Variants in KCNH8 observed in about 807,000 individuals in gnomAD.
KCNH8 encodes voltage-gated delayed rectifier potassium channel KCNH8.
Under a neutral mutation model 103.6 loss-of-function variants are expected in KCNH8, and 70 were observed. That is an observed-to-expected ratio of 0.68 (90% CI 0.56 to 0.82). The LOEUF (loss-of-function observed/expected upper bound fraction) is 0.82, where lower values mean the gene tolerates loss of function less well. Ranked by LOEUF, KCNH8 falls within the 40% of genes least tolerant of loss-of-function variation. The pLI, the probability that KCNH8 is intolerant of heterozygous loss-of-function variation, is 0.00. For synonymous variants in KCNH8, 498 were observed against 489.4 expected, an observed-to-expected ratio of 1.02 and a Z score of -0.23; for missense variants, 1,217 against 1,329.9, an observed-to-expected ratio of 0.92 and a Z score of 1.32.
intron 5 of KCNH8, among the ~76,000 whole-genome samples, chr3:19,372,005 G>C (rs1187964945): frequency 6.6e-6 from 1 of 151,972 alleles, no homozygotes; most frequent in African/African-American, 2.4e-5. Flanking sequence ...TGCTGTTTTG[G>C]TTACTGTAGC....
intron 1 of KCNH8, among the ~76,000 whole-genome samples, chr3:19,166,440 C>G (rs761566493): frequency 2.0e-5 from 3 of 152,234 alleles, no homozygotes; most frequent in Admixed American, 1.3e-4. Context: ...CCTACTTTTA[C>G]AAGAATATAA....
At chr3:19,161,798 A>C (rs1279533978) in intron 1 of KCNH8, among the ~76,000 whole-genome samples, 5 of 152,216 alleles carry the variant, frequency 3.3e-5, no homozygotes, top group African/African-American at 4.8e-5. Context: ...GACTTGATGT[A>C]GTGTACACAT....
chr3:19,303,514 G>A (rs781573240), intron 3 of KCNH8, among the ~76,000 whole-genome samples: 1 of 152,134 alleles, frequency 6.6e-6, no homozygotes, highest in Non-Finnish European at 1.5e-5. Context: ...GATTATGACA[G>A]TAAGACTAAA....
At chr3:19,216,137 C>G (rs1268696647) in intron 1 of KCNH8, among the ~76,000 whole-genome samples, 1 of 152,174 alleles carries the variant, frequency 6.6e-6, no homozygotes, top group African/African-American at 2.4e-5. Context: ...CTGGATGTAC[C>G]TATCATTCAC....
intron 15 of KCNH8, among the ~76,000 whole-genome samples, chr3:19,519,915 C>T (rs1035924440): frequency 6.6e-6 from 1 of 151,526 alleles, no homozygotes; most frequent in Non-Finnish European, 1.5e-5. Flanking sequence ...TATATGTTCA[C>T]CTTTAGGAAT....
At chr3:19,474,062 G>C (rs1360232461) in intron 11 of KCNH8, among the ~76,000 whole-genome samples, 1 of 152,052 alleles carries the variant, frequency 6.6e-6, no homozygotes, top group African/African-American at 2.4e-5. Context: ...TTAGGCATGT[G>C]GGGCATTTCT....
chr3:19,281,414 T>G, intron 3 of KCNH8, 85 bp downstream of exon 3: 1 of 1,278,372 alleles, frequency 7.8e-7, no homozygotes, highest in Admixed American at 2.4e-5. Context: ...AAAACATGCA[T>G]TTTTAATAAC....
chr3:19,211,525 A>G (rs543035378), intron 1 of KCNH8, among the ~76,000 whole-genome samples: 2 of 152,326 alleles, frequency 1.3e-5, no homozygotes, highest in African/African-American at 4.8e-5. Context: ...ACATTAAATA[A>G]TGTTGAACCA....
At chr3:19,474,649 ATAAT>A (rs1458627498) in intron 11 of KCNH8, among the ~76,000 whole-genome samples, 4 of 152,172 alleles carry the variant, frequency 2.6e-5, no homozygotes, top group Admixed American at 6.5e-5. Flanking sequence ...ATTGAAGAAA[ATAAT>A]TAAGGAAAAT....
At chr3:19,500,712 A>T (rs570043796) in intron 11 of KCNH8, among the ~76,000 whole-genome samples, 131 of 152,318 alleles carry the variant, frequency 8.6e-4, no homozygotes, top group African/African-American at 3.0e-3. Flanking sequence ...GACACAAATA[A>T]AGATGTTCTT....
chr3:19,410,807 G>A (rs1473591717), intron 7 of KCNH8, among the ~76,000 whole-genome samples: 3 of 149,596 alleles, frequency 2.0e-5, no homozygotes, highest in Non-Finnish European at 3.0e-5. Context: ...GATTGAATCA[G>A]GAAGAAAATG....
At position 19,281,323 on chromosome 3, in the gene KCNH8, AAAG is replaced by A. The variant is rs761243399; in HGVS notation, c.440_442del (p.Glu147del). ...AGTGAAGATTACTCCAGAAGATAAA[AAAG>A]AAGGTTTGTACCGTTTTCAGAAAAC... is the stretch of plus-strand genomic sequence containing the variant. On this transcript the variant is annotated inframe_deletion, in exon 3 of 16. Transcript: ENST00000328405. The A allele has an allele frequency of 4.1e-5, 66 of 1,600,114 alleles. No individual in the cohort carries two copies. Among genetic ancestry groups the A allele is most frequent in the Non-Finnish European group, 5.4e-5 (63 of 1,175,374 alleles).
chr3:19,254,670 T>G (rs1422625119), intron 2 of KCNH8, among the ~76,000 whole-genome samples: 1 of 152,150 alleles, frequency 6.6e-6, no homozygotes, highest in East Asian at 1.9e-4. Context: ...AGATCAAAAA[T>G]TAGAACAAAC....
intron 1 of KCNH8, among the ~76,000 whole-genome samples, chr3:19,184,043 C>G (rs950635143): frequency 1.3e-5 from 2 of 152,006 alleles, no homozygotes; most frequent in Non-Finnish European, 2.9e-5. Context: ...TAAACTTGAA[C>G]ATAAGCATGC....
intron 1 of KCNH8, among the ~76,000 whole-genome samples, chr3:19,182,374 C>CA (rs904556786): frequency 6.6e-6 from 1 of 151,908 alleles, no homozygotes; most frequent in African/African-American, 2.4e-5. Context: ...TAAAAAAATA[C>CA]AAAAAAATTA....
intron 11 of KCNH8, among the ~76,000 whole-genome samples, chr3:19,484,726 C>A (rs1019658222): frequency 2.6e-5 from 4 of 152,110 alleles, no homozygotes; most frequent in Non-Finnish European, 4.4e-5. Context: ...TTGATCCACA[C>A]GCGATCACCT....
chr3:19,180,933 G>GAAATT (rs2063446574), intron 1 of KCNH8, among the ~76,000 whole-genome samples: 1 of 152,038 alleles, frequency 6.6e-6, no homozygotes, highest in South Asian at 2.1e-4. Flanking sequence ...AAATAAAATA[G>GAAATT]AAATTAAATT....
intron 15 of KCNH8, among the ~76,000 whole-genome samples, chr3:19,520,858 T>C (rs775111959): frequency 2.0e-5 from 3 of 151,970 alleles, no homozygotes; most frequent in African/African-American, 7.2e-5. Flanking sequence ...ATAAAGAAAG[T>C]GTTCATCAGT....
chr3:19,458,742 A>C (rs560995757), intron 11 of KCNH8, among the ~76,000 whole-genome samples: 2 of 152,042 alleles, frequency 1.3e-5, no homozygotes, highest in African/African-American at 4.8e-5. Flanking sequence ...ACGTCTTTCT[A>C]ATCTCTTCTG....
Sources: allele counts gnomAD v4.1 joint callset (sites outside exome capture counted in the v4.1 genomes callset), GRCh38; gene constraint gnomAD v4.1.1; transcripts MANE v1.5; gene names NCBI Gene and HGNC (gene_info 2026-07-23, HGNC 2026-07-21).